Variants in PPA2 observed in about 807,000 individuals in gnomAD.
PPA2 encodes the protein inorganic pyrophosphatase 2, mitochondrial.
In PPA2, 48 loss-of-function variants were observed where a neutral mutation model predicts 49.5. The observed-to-expected ratio is 0.97, with a 90% CI of 0.77 to 1.23. The LOEUF (loss-of-function observed/expected upper bound fraction) is 1.23, where lower values mean the gene tolerates loss of function less well. PPA2 is among the 50% of genes most tolerant of loss of function. The pLI is 0.00. For synonymous variants in PPA2, 131 were observed against 139.9 expected, an observed-to-expected ratio of 0.94 and a Z score of 0.45; for missense variants, 429 against 410.1, an observed-to-expected ratio of 1.05 and a Z score of -0.40.
rs183919374 is a variant in PPA2, at chr4:105,468,362, G to A, written c.157+5532C>T. Among the ~76,000 whole-genome samples, 406 of 152,316 alleles carry A rather than the reference G, an allele frequency of 2.7e-3. 2 individuals are homozygous for A. The highest frequency in any genetic ancestry group is 6.7e-3 in the Admixed American group (102 of 15,298). Reference sequence around the variant, plus strand: ...GTTCAGCAAGGGAGAATGTGAAGGAGAAGCATCAAAACTAAGACAAAGTGC... The same window carrying A: ...GTTCAGCAAGGGAGAATGTGAAGGAAAAGCATCAAAACTAAGACAAAGTGC... On this transcript the variant is annotated intron_variant, in intron 1 of 11. Transcript: ENST00000341695.
chr4:105,395,745 T>C (rs950151078), intron 9 of PPA2, among the ~76,000 whole-genome samples: 1 of 152,140 alleles, frequency 6.6e-6, no homozygotes, highest in South Asian at 2.1e-4. Context: ...TCCTGTGTTA[T>C]GTTAGAGTGT....
chr4:105,466,585 T>C (rs527651583), intron 1 of PPA2, among the ~76,000 whole-genome samples: 1 of 152,250 alleles, frequency 6.6e-6, no homozygotes, highest in South Asian at 2.1e-4. Flanking sequence ...AAGGAGAGGC[T>C]GAGGCAATTT....
chr4:105,453,473 G>A (rs938718605), intron 3 of PPA2, 125 bp downstream of exon 3: 12 of 617,438 alleles, frequency 1.9e-5, no homozygotes, highest in Admixed American at 1.6e-4. Flanking sequence ...GAAAAACATC[G>A]GAATGCACAT....
intron 1 of PPA2, among the ~76,000 whole-genome samples, chr4:105,462,238 C>T (rs1450325355): frequency 6.6e-6 from 1 of 152,042 alleles, no homozygotes; most frequent in Non-Finnish European, 1.5e-5. Context: ...AACTGAAGCA[C>T]ACATCAGACA....
At chr4:105,454,491 T>C (rs916666783) in intron 2 of PPA2, among the ~76,000 whole-genome samples, 9 of 151,996 alleles carry the variant, frequency 5.9e-5, no homozygotes, top group Admixed American at 1.3e-4. Context: ...CTACCAGGCC[T>C]GGCTAATTTT....
At chr4:105,460,747 GTAAT>G (rs1723054062) in intron 1 of PPA2, among the ~76,000 whole-genome samples, 1 of 152,028 alleles carries the variant, frequency 6.6e-6, no homozygotes, top group African/African-American at 2.4e-5. Context: ...GGCTGCCTTT[GTAAT>G]TAAGAGTAAA....
At chr4:105,375,256 C>T (rs982411840) in intron 10 of PPA2, among the ~76,000 whole-genome samples, 7 of 151,220 alleles carry the variant, frequency 4.6e-5, no homozygotes, top group Non-Finnish European at 8.8e-5. Flanking sequence ...GTCTACCATC[C>T]GGTGGTAATG....
chr4:105,424,753 T>C (rs72950533), intron 6 of PPA2, among the ~76,000 whole-genome samples: 5,009 of 152,142 alleles, frequency 0.033, 276 homozygotes, highest in African/African-American at 0.11. Flanking sequence ...AGGACAGGGA[T>C]CTCACTGAGG....
chr4:105,455,641 A>G (rs1722847561), intron 2 of PPA2, among the ~76,000 whole-genome samples: 1 of 152,206 alleles, frequency 6.6e-6, no homozygotes, highest in African/African-American at 2.4e-5. Context: ...TAAATTATTG[A>G]TATTATTCTA....
chr4:105,395,425 TTG>T (rs34790626), intron 9 of PPA2, among the ~76,000 whole-genome samples: 56,767 of 151,964 alleles, frequency 0.37, 12,546 homozygotes, highest in East Asian at 0.68. Flanking sequence ...CAAGAGTCAG[TTG>T]TTTTAGTTCT....
intron 10 of PPA2, among the ~76,000 whole-genome samples, chr4:105,379,616 A>G (rs1207906436): frequency 6.9e-6 from 1 of 145,074 alleles, no homozygotes; most frequent in South Asian, 2.2e-4. Context: ...GGCACCCGCC[A>G]CCACGCCTGG....
chr4:105,474,001 C>T lies in PPA2; in HGVS notation c.50G>A (p.Cys17Tyr), dbSNP rs570210364. The change falls in exon 1 of 12, where the codon TGC becomes TAC. Residue 17 changes from cysteine to tyrosine, a missense_variant. Physicochemically the swap from Cys to Tyr is radical, Grantham distance 194. Coordinates refer to ENST00000341695, the MANE Select transcript of PPA2 (RefSeq NM_176869.3). ...CCCTGCACTGGTCCCCAACCGCAGG[C>T]ACGCAGCGGCTGGGGCACCCGTGCG... ...LLRTGAPAAACLRLGTSAGTG... is the reference protein window; with the variant it reads ...LLRTGAPAAAYLRLGTSAGTG... 3.7e-6 allele frequency: 6 copies of T among 1,606,214 alleles called. No homozygotes were observed. In the African/African-American group the frequency reaches 6.7e-5, roughly 18 times the overall value.
intron 1 of PPA2, among the ~76,000 whole-genome samples, chr4:105,468,732 T>G (rs968001693): frequency 1.3e-5 from 2 of 152,176 alleles, no homozygotes; most frequent in African/African-American, 4.8e-5. Context: ...ACCAACACCA[T>G]CAGGGGTCCT....
At chr4:105,435,257 A>T (rs761796006) in intron 6 of PPA2, among the ~76,000 whole-genome samples, 1 of 152,148 alleles carries the variant, frequency 6.6e-6, no homozygotes, top group Non-Finnish European at 1.5e-5. Context: ...GTAGTCATAT[A>T]TTTATTTCAT....
At chr4:105,371,154 T>C (rs1205466055) in intron 10 of PPA2, among the ~76,000 whole-genome samples, 1 of 152,216 alleles carries the variant, frequency 6.6e-6, no homozygotes. Flanking sequence ...GAAGAGAGGT[T>C]TTCTTTCAAT....
chr4:105,396,424 A>C, intron 8 of PPA2, 90 bp from the exon 9 acceptor site: 1 of 879,598 alleles, frequency 1.1e-6, no homozygotes, highest in Non-Finnish European at 1.7e-6. Context: ...ATGACAGTTA[A>C]TTGTTAAGAG....
chr4:105,389,134 T>A (rs931397868), intron 9 of PPA2, among the ~76,000 whole-genome samples: 2 of 152,192 alleles, frequency 1.3e-5, no homozygotes, highest in Non-Finnish European at 2.9e-5. Context: ...ATTTGTACTT[T>A]GAATGTTTAA....
intron 6 of PPA2, 79 bp from the exon 7 acceptor site, chr4:105,424,401 T>G (rs1324739792): frequency 1.0e-5 from 13 of 1,263,082 alleles, no homozygotes; most frequent in African/African-American, 3.1e-5. Flanking sequence ...TATAAAAGAT[T>G]AAAAGAACTA....
intron 1 of PPA2, among the ~76,000 whole-genome samples, chr4:105,460,877 A>ATATATATATAT (rs1553929836): frequency 6.6e-6 from 1 of 151,610 alleles, no homozygotes; most frequent in African/African-American, 2.4e-5. Flanking sequence ...ATAGTTTTCT[A>ATATATATATAT]ATTGTCATTT....
Sources: allele counts gnomAD v4.1 joint callset (sites outside exome capture counted in the v4.1 genomes callset), GRCh38; gene constraint gnomAD v4.1.1; transcripts MANE v1.5; gene names NCBI Gene and HGNC (gene_info 2026-07-23, HGNC 2026-07-21).